ARHGAP15: variants seen among roughly 807,000 people sequenced by gnomAD.
ARHGAP15 encodes the protein rho GTPase-activating protein 15.
In ARHGAP15, 51 loss-of-function variants were observed where a neutral mutation model predicts 63.7. The observed-to-expected ratio is 0.80, with a 90% confidence interval of 0.64 to 1.01. The LOEUF (loss-of-function observed/expected upper bound fraction) is 1.01, where lower values mean the gene tolerates loss of function less well. Ranked by LOEUF, ARHGAP15 falls within the 50% of genes least tolerant of loss-of-function variation. The pLI is 0.00. For synonymous variants in ARHGAP15, 191 were observed against 193.8 expected (o/e 0.99, Z 0.12); for missense variants, 560 against 564.6 (o/e 0.99, Z 0.08).
At chr2:143,169,629 A>G (rs1690689568) in intron 2 of ARHGAP15, among the ~76,000 whole-genome samples, 2 of 152,132 alleles carry the variant, frequency 1.3e-5, no homozygotes, top group South Asian at 2.1e-4. Flanking sequence ...TGCCCCTGGG[A>G]CACACCCAGG....
At chr2:143,313,373 G>A (rs1203580843) in intron 6 of ARHGAP15, among the ~76,000 whole-genome samples, 2 of 152,140 alleles carry the variant, frequency 1.3e-5, no homozygotes, top group Non-Finnish European at 2.9e-5. Context: ...ACTCAACAGA[G>A]TTATAACTTA....
intron 6 of ARHGAP15, among the ~76,000 whole-genome samples, chr2:143,313,569 G>A (rs140151272): frequency 1.4e-3 from 209 of 152,234 alleles, no homozygotes; most frequent in Middle Eastern, 3.4e-3. Context: ...GAGGCAAGGA[G>A]TGTGTGTATG....
In ARHGAP15 at chr2:143,703,146, A is replaced by C. The variant is rs184533805; in HGVS notation, c.1139-273A>C. Reference sequence around the variant, plus strand: ...CTCACAGTACAGCCATTCTATCTACATTCAAAGAAGCAGAAAGGAGAAAAG... The same window carrying C: ...CTCACAGTACAGCCATTCTATCTACCTTCAAAGAAGCAGAAAGGAGAAAAG... On this transcript the variant is annotated intron_variant, in intron 12 of 13. Transcript: ENST00000295095. 1.1e-3 allele frequency among the ~76,000 whole-genome samples: 167 copies of C among 152,314 alleles called. 2 individuals are homozygous for C. The highest frequency in any genetic ancestry group is 3.9e-3 in the African/African-American group (163 of 41,570).
At chr2:143,561,410 A>G (rs1696012420) in intron 11 of ARHGAP15, among the ~76,000 whole-genome samples, 1 of 152,196 alleles carries the variant, frequency 6.6e-6, no homozygotes, top group African/African-American at 2.4e-5. Flanking sequence ...AATTTTCCAG[A>G]TGGGTGTCTG....
intron 6 of ARHGAP15, among the ~76,000 whole-genome samples, chr2:143,305,997 T>C (rs1558879904): frequency 6.6e-6 from 1 of 152,128 alleles, no homozygotes. Flanking sequence ...TAAAAATAGT[T>C]TGTGAGAGGT....
intron 6 of ARHGAP15, among the ~76,000 whole-genome samples, chr2:143,432,160 A>G (rs997309710): frequency 6.6e-6 from 1 of 152,072 alleles, no homozygotes; most frequent in Non-Finnish European, 1.5e-5. Context: ...CCCAAATTCT[A>G]CACAATGAAG....
chr2:143,471,738 G>A (rs1241773610), intron 8 of ARHGAP15, among the ~76,000 whole-genome samples: 1 of 152,154 alleles, frequency 6.6e-6, no homozygotes, highest in Non-Finnish European at 1.5e-5. Context: ...GAAAGAGCAG[G>A]AAGACCAATC....
intron 6 of ARHGAP15, among the ~76,000 whole-genome samples, chr2:143,413,927 T>TTGTG (rs1553476588): frequency 0.069 from 8,839 of 127,804 alleles, 382 homozygotes; most frequent in East Asian, 0.11. Context: ...AGGTAGGTAG[T>TTGTG]TGTGTGTGTG....
At chr2:143,377,559 ATTT>A (rs889614275) in intron 6 of ARHGAP15, among the ~76,000 whole-genome samples, 2 of 151,214 alleles carry the variant, frequency 1.3e-5, no homozygotes, top group African/African-American at 4.8e-5. Flanking sequence ...TTTGTTTCCT[ATTT>A]TTTTTCACTA....
chr2:143,166,778 G>A lies in ARHGAP15; in HGVS notation c.165+11123G>A, dbSNP rs139003249. ...ACTTCAAATTATAAGAATTCCACCT[G>A]ATTTTAACCTACTTTAAACTCCCTT... On this transcript the variant is annotated intron_variant, in intron 2 of 13. Coordinates refer to ENST00000295095, the MANE Select transcript of ARHGAP15 (RefSeq NM_018460.4). 2.7e-3 allele frequency among the ~76,000 whole-genome samples: 418 copies of A among 152,160 alleles called. 2 individuals are homozygous for A. Among genetic ancestry groups the A allele is most frequent in the Non-Finnish European group, 4.6e-3 (312 of 67,996 alleles).
chr2:143,358,461 T>C (rs1685896973), intron 6 of ARHGAP15, among the ~76,000 whole-genome samples: 1 of 151,922 alleles, frequency 6.6e-6, no homozygotes, highest in Non-Finnish European at 1.5e-5. Context: ...AAAGCCACAT[T>C]TAATATGACA....
intron 9 of ARHGAP15, among the ~76,000 whole-genome samples, chr2:143,514,648 G>T (rs540883875): frequency 1.3e-5 from 2 of 152,134 alleles, no homozygotes; most frequent in Non-Finnish European, 2.9e-5. Context: ...AATCTCAGTG[G>T]CATATAACAC....
intron 5 of ARHGAP15, among the ~76,000 whole-genome samples, chr2:143,242,287 G>A (rs1046659866): frequency 6.6e-6 from 1 of 152,338 alleles, no homozygotes; most frequent in South Asian, 2.1e-4. Flanking sequence ...GCATTGCCCA[G>A]GCAGGGCTGG....
chr2:143,531,603 G>A (rs972816426), intron 10 of ARHGAP15, among the ~76,000 whole-genome samples: 4 of 152,196 alleles, frequency 2.6e-5, no homozygotes, highest in African/African-American at 4.8e-5. Context: ...AATTGAGCTT[G>A]ATCAGAGTAA....
chr2:143,372,546 T>C (rs1433551880), intron 6 of ARHGAP15, among the ~76,000 whole-genome samples: 5 of 152,116 alleles, frequency 3.3e-5, no homozygotes, highest in Non-Finnish European at 7.4e-5. Context: ...TAAATTTATA[T>C]ATAAACTTCA....
chr2:143,445,875 C>T lies in ARHGAP15; in HGVS notation c.703+8833C>T, dbSNP rs540786521. On this transcript the variant is annotated intron_variant, in intron 8 of 13. Transcript: ENST00000295095. Reference sequence around the variant, plus strand: ...GAAAAAGAAACTCTGTAATATATAACAAATAATTACAGTAATTTTGATTAT... The same window carrying T: ...GAAAAAGAAACTCTGTAATATATAATAAATAATTACAGTAATTTTGATTAT... Among the ~76,000 whole-genome samples the T allele has an allele frequency of 2.0e-5, 3 of 152,156 alleles. No individual in the cohort carries two copies. The South Asian group carries it at 6.2e-4, about 32-fold the overall frequency.
At chr2:143,183,920 T>TC (rs1691335582) in intron 2 of ARHGAP15, among the ~76,000 whole-genome samples, 1 of 152,138 alleles carries the variant, frequency 6.6e-6, no homozygotes, top group Admixed American at 6.6e-5. Context: ...ACCAGAATTT[T>TC]CTCTGCTGTG....
intron 3 of ARHGAP15, among the ~76,000 whole-genome samples, chr2:143,215,026 A>G (rs1343899254): frequency 6.6e-6 from 1 of 152,242 alleles, no homozygotes; most frequent in Non-Finnish European, 1.5e-5. Context: ...TGGCACTACC[A>G]AAATATTCCA....
intron 11 of ARHGAP15, chr2:143,587,787 C>A (rs1356093689): frequency 6.4e-6 from 3 of 468,672 alleles, no homozygotes; most frequent in South Asian, 1.6e-5. Context: ...ACCTCCAGAG[C>A]AAGCCAATAA....
Sources: gnomAD v4.1 joint callset for allele counts (sites outside exome capture counted in the v4.1 genomes callset) on GRCh38, gnomAD v4.1.1 for gene constraint, MANE v1.5 for transcripts, NCBI Gene and HGNC (gene_info 2026-07-23, HGNC 2026-07-21) for gene names.